The following CARMIL1 variants were observed in gnomAD, a reference collection of about 807,000 sequenced individuals.
The protein encoded by CARMIL1 is capping protein regulator and myosin 1 linker 1.
In CARMIL1, 90 loss-of-function variants were observed where a neutral mutation model predicts 177.1. The observed-to-expected ratio is 0.51, with a 90% CI of 0.43 to 0.61. The LOEUF is 0.61. Among genes scored for constraint, CARMIL1 ranks in the 20% least tolerant of loss-of-function variants. The pLI, the probability that CARMIL1 is intolerant of heterozygous loss-of-function variation, is 0.00. For missense variants in CARMIL1, 1,380 were observed against 1,667.0 expected (o/e 0.83, Z 3.00); for synonymous variants, 577 against 606.2 (o/e 0.95, Z 0.71).
chr6:25,319,803 C>G (rs1029728487), intron 2 of CARMIL1, among the ~76,000 whole-genome samples: 1 of 137,924 alleles, frequency 7.3e-6, no homozygotes, highest in African/African-American at 2.8e-5. Flanking sequence ...GAGTCTCGCT[C>G]TGTCACCCAG....
chr6:25,352,442 G>A (rs1788204031), intron 2 of CARMIL1, among the ~76,000 whole-genome samples: 1 of 151,950 alleles, frequency 6.6e-6, no homozygotes, highest in Non-Finnish European at 1.5e-5. Context: ...GAACGTCTGT[G>A]TAAGTTAACT....
chr6:25,602,202 G>C (rs1815478829), intron 33 of CARMIL1, among the ~76,000 whole-genome samples: 1 of 152,138 alleles, frequency 6.6e-6, no homozygotes. Context: ...AATTCACTGA[G>C]CAACCCTTAG....
In CARMIL1 at chr6:25,602,597, C is replaced by T. The variant is rs185791594; in HGVS notation, c.3552+1851C>T. 1.3e-5 allele frequency among the ~76,000 whole-genome samples: 2 copies of T among 152,228 alleles called. 1 individual carries two copies. Among genetic ancestry groups the T allele is most frequent in the African/African-American group, 4.8e-5 (2 of 41,532 alleles). On this transcript the variant is annotated intron_variant, in intron 33 of 36. Transcript: ENST00000329474. ...GCCATCTAGTGTCACTTTAAAACAA[C>T]CATTGTTAAAAATTCTTGCTATTTA...
At chr6:25,364,713 G>C (rs1451570819) in intron 2 of CARMIL1, among the ~76,000 whole-genome samples, 1 of 152,004 alleles carries the variant, frequency 6.6e-6, no homozygotes. Flanking sequence ...ACAAGTGCCC[G>C]CCACCACGCC....
chr6:25,380,197 T>G (rs1281096573), intron 2 of CARMIL1, among the ~76,000 whole-genome samples: 80 of 152,226 alleles, frequency 5.3e-4, no homozygotes, highest in South Asian at 2.1e-4. Flanking sequence ...TTTAGCTTAG[T>G]AAATCTCCGA....
intron 12 of CARMIL1, among the ~76,000 whole-genome samples, chr6:25,485,740 A>G (rs149410265): frequency 1.3e-5 from 2 of 152,290 alleles, no homozygotes; most frequent in Admixed American, 1.3e-4. Flanking sequence ...TGGCCTGAAT[A>G]ATTTCAAATT....
intron 23 of CARMIL1, among the ~76,000 whole-genome samples, chr6:25,528,204 A>C (rs1807358361): frequency 6.6e-6 from 1 of 152,226 alleles, no homozygotes; most frequent in Non-Finnish European, 1.5e-5. Flanking sequence ...TTAATAATTC[A>C]GTCCTGTTTT....
intron 2 of CARMIL1, among the ~76,000 whole-genome samples, chr6:25,330,226 T>C: frequency 6.6e-6 from 1 of 152,174 alleles, no homozygotes. Context: ...TAGACTGGCG[T>C]TGGCCCAGTG....
chr6:25,442,816 C>T (rs1207585863), intron 5 of CARMIL1, among the ~76,000 whole-genome samples: 1 of 152,186 alleles, frequency 6.6e-6, no homozygotes, highest in Non-Finnish European at 1.5e-5. Flanking sequence ...GCACAGATGT[C>T]TCCCCTAGCT....
intron 8 of CARMIL1, chr6:25,452,146 G>T (rs1386269384): frequency 3.9e-6 from 3 of 765,040 alleles, no homozygotes; most frequent in Non-Finnish European, 7.2e-6. Context: ...CACAGCCTGG[G>T]ACTACGGAAG....
intron 2 of CARMIL1, among the ~76,000 whole-genome samples, chr6:25,331,185 C>G (rs981986409): frequency 5.9e-5 from 9 of 152,132 alleles, no homozygotes; most frequent in African/African-American, 2.2e-4. Context: ...CAGCCTCCTG[C>G]TGTCAAAACA....
intron 5 of CARMIL1, among the ~76,000 whole-genome samples, chr6:25,449,594 T>G (rs1798582536): frequency 6.6e-6 from 1 of 152,238 alleles, no homozygotes. Flanking sequence ...CGTAATCTAA[T>G]AATTCATTAA....
intron 29 of CARMIL1, among the ~76,000 whole-genome samples, chr6:25,578,769 A>G (rs1450920732): frequency 6.6e-6 from 1 of 152,220 alleles, no homozygotes. Context: ...TATGATAGGT[A>G]TAGATTTATG....
chr6:25,314,738 T>C (rs1784142756), intron 2 of CARMIL1, among the ~76,000 whole-genome samples: 1 of 152,178 alleles, frequency 6.6e-6, no homozygotes, highest in Admixed American at 6.5e-5. Flanking sequence ...CTTGGCTTTA[T>C]TGCAGGACCT....
intron 2 of CARMIL1, among the ~76,000 whole-genome samples, chr6:25,398,733 G>A (rs1016347707): frequency 9.9e-5 from 15 of 152,254 alleles, no homozygotes; most frequent in Middle Eastern, 3.4e-3. Flanking sequence ...CTCCCCATGC[G>A]AAGACTTTTA....
chr6:25,360,875 C>T (rs1017093999), intron 2 of CARMIL1, among the ~76,000 whole-genome samples: 1 of 152,220 alleles, frequency 6.6e-6, no homozygotes, highest in African/African-American at 2.4e-5. Flanking sequence ...CAAACCATCA[C>T]TCAGTTTTAC....
chr6:25,282,090 G>C (rs1468199741), intron 1 of CARMIL1, among the ~76,000 whole-genome samples: 2 of 135,272 alleles, frequency 1.5e-5, no homozygotes, highest in Non-Finnish European at 3.0e-5. Flanking sequence ...ATTCCAGCCT[G>C]GGCAATAAGA....
At chr6:25,420,302 A>C in intron 3 of CARMIL1, 138 bp downstream of exon 3, 1 of 810,974 alleles carries the variant, frequency 1.2e-6, no homozygotes, top group Non-Finnish European at 2.1e-6. Flanking sequence ...CCTCACTTAC[A>C]TAGACTTTTG....
chr6:25,486,416 A>AG (rs1802661887), intron 12 of CARMIL1, among the ~76,000 whole-genome samples: 1 of 152,190 alleles, frequency 6.6e-6, no homozygotes, highest in Non-Finnish European at 1.5e-5. Context: ...TTTTGCTGTC[A>AG]GGACTAATTT....
Sources: gnomAD v4.1 joint callset for allele counts (sites outside exome capture counted in the v4.1 genomes callset) on GRCh38, gnomAD v4.1.1 for gene constraint, MANE v1.5 for transcripts, NCBI Gene and HGNC (gene_info 2026-07-23, HGNC 2026-07-21) for gene names.